PCDHGA7: variants seen among roughly 807,000 people sequenced by gnomAD.
PCDHGA7 encodes the protein protocadherin gamma-A7.
PCDHGA7 carries 44 observed loss-of-function variants against 58.3 expected under a neutral mutation model. The observed-to-expected ratio is 0.75, with a 90% CI of 0.59 to 0.97. PCDHGA7 has a LOEUF of 0.97. Ranked by LOEUF, PCDHGA7 falls within the 50% of genes least tolerant of loss-of-function variation. The pLI is 0.00. For synonymous variants in PCDHGA7, 516 were observed against 504.2 expected, an observed-to-expected ratio of 1.02 and a Z score of -0.31; for missense variants, 1,266 against 1,188.7, an observed-to-expected ratio of 1.06 and a Z score of -0.96.
chr5:141,469,049 G>A (rs916327969), intron 1 of PCDHGA7, among the ~76,000 whole-genome samples: 3 of 152,054 alleles, frequency 2.0e-5, no homozygotes, highest in African/African-American at 2.4e-5. Context: ...GGCCAAGGTG[G>A]GAGGATTGCT....
intron 1 of PCDHGA7, chr5:141,420,535 T>C (rs1322301404): frequency 6.2e-6 from 2 of 321,930 alleles, no homozygotes; most frequent in African/African-American, 4.3e-5. Flanking sequence ...CGGTTAAAAA[T>C]ATAAAATACA....
chr5:141,447,123 TTTTG>T (rs1327676720), intron 1 of PCDHGA7, among the ~76,000 whole-genome samples: 7 of 152,278 alleles, frequency 4.6e-5, no homozygotes, highest in African/African-American at 1.4e-4. Context: ...CCATGGATTT[TTTTG>T]TTTGTTTGTT....
At chr5:141,439,774 T>G (rs1435214431) in intron 1 of PCDHGA7, 2 of 152,364 alleles carry the variant, frequency 1.3e-5, no homozygotes, top group East Asian at 3.9e-4. Context: ...CCTTCTTGGC[T>G]GGAGATTCTA....
chr5:141,415,717 A>G, intron 1 of PCDHGA7: 1 of 839,652 alleles, frequency 1.2e-6, no homozygotes, highest in Non-Finnish European at 1.8e-6. Flanking sequence ...AACACTGATG[A>G]GTAGAATTTG....
At chr5:141,468,324 C>T (rs1301315098) in intron 1 of PCDHGA7, 1 of 127,722 alleles carries the variant, frequency 7.8e-6, no homozygotes, top group Non-Finnish European at 1.6e-5. Context: ...ACGGTAAACT[C>T]CATCTCAAAA....
At chr5:141,393,664 T>G in intron 1 of PCDHGA7, 1 of 1,613,772 alleles carries the variant, frequency 6.2e-7, no homozygotes, top group Non-Finnish European at 8.5e-7. Flanking sequence ...TTCCGGAAAA[T>G]TAATGAAAAA....
chr5:141,459,302 A>G (rs1401348885), intron 1 of PCDHGA7, among the ~76,000 whole-genome samples: 1 of 152,328 alleles, frequency 6.6e-6, no homozygotes, highest in Admixed American at 6.5e-5. Context: ...CCTATAACAT[A>G]TACTATTTTG....
chr5:141,400,493 A>G, intron 1 of PCDHGA7: 2 of 1,614,014 alleles, frequency 1.2e-6, no homozygotes, highest in South Asian at 2.2e-5. Flanking sequence ...CCACTTTGTA[A>G]TTCCAGCGAG....
intron 1 of PCDHGA7, among the ~76,000 whole-genome samples, chr5:141,402,262 TA>T (rs1248031439): frequency 6.6e-6 from 1 of 151,912 alleles, no homozygotes; most frequent in Non-Finnish European, 1.5e-5. Context: ...CCCCAGAAAA[TA>T]ATTTCAAAGT....
chr5:141,398,857 C>T (rs749773693), intron 1 of PCDHGA7: 15 of 1,613,800 alleles, frequency 9.3e-6, no homozygotes, highest in African/African-American at 1.3e-5. Flanking sequence ...GGTATTCAAC[C>T]GAGACGTGTA....
intron 1 of PCDHGA7, chr5:141,396,533 T>A (rs942972836): frequency 2.0e-5 from 3 of 151,264 alleles, no homozygotes; most frequent in African/African-American, 7.3e-5. Flanking sequence ...GGCAGAAGAA[T>A]CACTTGAACC....
At chr5:141,389,008 G>A in intron 1 of PCDHGA7, 1 of 1,613,992 alleles carries the variant, frequency 6.2e-7, no homozygotes. Flanking sequence ...AAGGATTCCA[G>A]ACACAATGGA....
chr5:141,432,264 C>A lies in PCDHGA7; in HGVS notation c.2424+46941C>A. On this transcript the variant is annotated intron_variant, in intron 1 of 3. Transcript: ENST00000518325. The surrounding 1 kb of genome is among the most constrained non-coding windows in gnomAD (Gnocchi z 6.0). Reference sequence around the variant, plus strand: ...AACACCATCCAAGGGGCAAGCCTATCGTCCTACGTGTCCATCAACTCCGAC... The same window carrying A: ...AACACCATCCAAGGGGCAAGCCTATAGTCCTACGTGTCCATCAACTCCGAC... 5 of 1,614,252 alleles carry A rather than the reference C, an allele frequency of 3.1e-6. No homozygotes were observed. Among genetic ancestry groups the A allele is most frequent in the Non-Finnish European group, 4.2e-6 (5 of 1,180,044 alleles).
chr5:141,383,108 G>A lies in PCDHGA7; in HGVS notation c.209G>A (p.Gly70Asp). 1.2e-6 allele frequency: 2 copies of A among 1,614,020 alleles called. No homozygotes were observed. Among genetic ancestry groups the A allele is most frequent in the African/African-American group, 2.7e-5 (2 of 75,064 alleles). ...AERGVRIISR[G>D]RTQLFALNQR... ...CGCGGAGTCCGCATCATCTCCAGAG[G>A]TAGGACGCAGCTTTTCGCCCTGAAC... Residue 70 changes from glycine (G) to aspartate (D), a missense_variant, in exon 1 of 4, where the codon GGT (glycine) becomes GAT (aspartate). By Grantham distance (94) the Gly-to-Asp change is moderately conservative. Transcript: ENST00000518325.
intron 1 of PCDHGA7, among the ~76,000 whole-genome samples, chr5:141,449,589 A>G (rs1196329432): frequency 7.6e-6 from 1 of 131,966 alleles, no homozygotes; most frequent in Non-Finnish European, 1.7e-5. Context: ...ACTCTGTCTC[A>G]AAAAAAAAAA....
chr5:141,400,863 T>G (rs370697957), intron 1 of PCDHGA7, among the ~76,000 whole-genome samples: 1 of 152,250 alleles, frequency 6.6e-6, no homozygotes. Context: ...TGTATGTAGA[T>G]AAACCATTAA....
Position 141,415,114 on chromosome 5 carries a change from G to A in PCDHGA7, c.2424+29791G>A, listed in dbSNP as rs186848544. On this transcript the variant is annotated intron_variant, in intron 1 of 3. Transcript: ENST00000518325. Reference sequence around the variant, plus strand: ...CAGAGACGCGCTCAAGCAAAGCCTCGTAGTGGCCGTCCAGGACCACGGCCA... The same window carrying A: ...CAGAGACGCGCTCAAGCAAAGCCTCATAGTGGCCGTCCAGGACCACGGCCA... 1.7e-5 allele frequency: 28 copies of A among 1,613,646 alleles called. No homozygotes were observed. In the African/African-American group the frequency reaches 2.7e-4, roughly 15 times the overall value.
chr5:141,390,297 G>C, intron 1 of PCDHGA7: 2 of 1,613,826 alleles, frequency 1.2e-6, no homozygotes, highest in Non-Finnish European at 1.7e-6. Context: ...TTTCCTTTAA[G>C]TATAATTTAA....
At position 141,486,002 on chromosome 5, in the gene PCDHGA7, G is replaced by A. The variant is rs372373315; in HGVS notation, c.2425-8805G>A. ...CCCGGACCTGGGTCCCAGTGGTAAC[G>A]TCACCTTTTATTTCAGTGGTCATAC... On this transcript the variant is annotated intron_variant, in intron 1 of 3. Coordinates refer to ENST00000518325, the MANE Select transcript of PCDHGA7 (RefSeq NM_018920.4). The surrounding 1 kb of genome is among the most constrained non-coding windows in gnomAD (Gnocchi z 5.0). 2.0e-5 allele frequency: 33 copies of A among 1,614,030 alleles called. No homozygotes were observed. The highest frequency in any genetic ancestry group is 2.8e-5 in the Non-Finnish European group (33 of 1,180,014).
Sources: gnomAD v4.1 joint callset for allele counts (sites outside exome capture counted in the v4.1 genomes callset) on GRCh38, gnomAD v4.1.1 for gene constraint, Gnocchi (gnomAD v3.1) non-coding constraint, MANE v1.5 for transcripts, NCBI Gene and HGNC (gene_info 2026-07-23, HGNC 2026-07-21) for gene names.